The following WDR41 variants were observed in gnomAD, a reference collection of about 807,000 sequenced individuals.
WDR41 encodes the protein WD repeat domain 41, also known as WD repeat-containing protein 41.
Under a neutral mutation model 69.3 loss-of-function variants are expected in WDR41, and 63 were observed. That is an observed-to-expected ratio of 0.91 (90% CI 0.74 to 1.12). WDR41 has a LOEUF of 1.12. Among genes scored for constraint, WDR41 ranks in the 50% most tolerant of loss-of-function variants. The pLI is 0.00. For missense variants in WDR41, 543 were observed against 534.5 expected (o/e 1.02, Z -0.16); for synonymous variants, 185 against 192.1 (o/e 0.96, Z 0.31).
At chr5:77,610,657 A>G (rs1191094998) in intron 1 of WDR41, among the ~76,000 whole-genome samples, 2 of 152,234 alleles carry the variant, frequency 1.3e-5, no homozygotes, top group Non-Finnish European at 2.9e-5. Context: ...TGAAGGAAGC[A>G]CTAAACATGG....
At chr5:77,483,880 T>A (rs1801399016) in intron 2 of WDR41, among the ~76,000 whole-genome samples, 1 of 152,200 alleles carries the variant, frequency 6.6e-6, no homozygotes, top group African/African-American at 2.4e-5. Flanking sequence ...TATGAACACA[T>A]GGATTTAAAC....
At chr5:77,487,172 C>G (rs1801561511) in intron 2 of WDR41, among the ~76,000 whole-genome samples, 1 of 152,286 alleles carries the variant, frequency 6.6e-6, no homozygotes, top group East Asian at 1.9e-4. Context: ...AGTCCACAAC[C>G]TGATCACATA....
intron 1 of WDR41, among the ~76,000 whole-genome samples, chr5:77,538,566 T>G (rs1400191300): frequency 1.3e-5 from 2 of 152,254 alleles, no homozygotes; most frequent in African/African-American, 4.8e-5. Context: ...TTTGGTTTTC[T>G]GTTCCTGCAT....
chr5:77,551,894 G>A (rs367893961), intron 1 of WDR41, among the ~76,000 whole-genome samples: 8 of 151,398 alleles, frequency 5.3e-5, no homozygotes, highest in Admixed American at 4.0e-4. Flanking sequence ...CATGAGAATC[G>A]CTTGAACTAG....
intron 1 of WDR41, among the ~76,000 whole-genome samples, chr5:77,552,038 A>C (rs371401255): frequency 2.7e-4 from 34 of 124,172 alleles, no homozygotes; most frequent in African/African-American, 9.1e-4. Flanking sequence ...AATAAAATAA[A>C]ATAAAATAAA....
At chr5:77,466,395 A>G (rs1800305799) in intron 2 of WDR41, among the ~76,000 whole-genome samples, 1 of 151,788 alleles carries the variant, frequency 6.6e-6, no homozygotes, top group Admixed American at 6.6e-5. Context: ...ATTTCTTTTT[A>G]TTTGTATAGT....
At chr5:77,576,536 A>T (rs980004001) in intron 1 of WDR41, among the ~76,000 whole-genome samples, 1 of 151,902 alleles carries the variant, frequency 6.6e-6, no homozygotes, top group African/African-American at 2.4e-5. Context: ...TCTCTTACTC[A>T]TTTATTCTGT....
At chr5:77,477,268 G>T (rs1275894061) in intron 2 of WDR41, among the ~76,000 whole-genome samples, 1 of 150,978 alleles carries the variant, frequency 6.6e-6, no homozygotes, top group African/African-American at 2.5e-5. Context: ...AGATCAACGA[G>T]ACAGAAAGCC....
Position 77,482,859 on chromosome 5 carries a change from G to GA in WDR41, c.167+6597dup, listed in dbSNP as rs200988288. The stretch of plus-strand genomic sequence containing the variant: ...AGCTCTGTCCTCCCCACATCTACCT[G>GA]AAAAAAAAAAAAAAAAAGCACACAT... On this transcript the variant is annotated intron_variant, in intron 2 of 12. Transcript: ENST00000296679. 5.8e-3 allele frequency among the ~76,000 whole-genome samples: 621 copies of GA among 107,016 alleles called. 2 individuals are homozygous for GA. The highest frequency in any genetic ancestry group is 0.021 in the Admixed American group (211 of 9,956). The allele number at this position is 107,016 out of a possible 152,430, so 70.2% of individuals were successfully genotyped here.
intron 1 of WDR41, among the ~76,000 whole-genome samples, chr5:77,594,408 G>A (rs1246426387): frequency 6.6e-6 from 1 of 150,914 alleles, no homozygotes; most frequent in Non-Finnish European, 1.5e-5. Context: ...AGAACTTAGA[G>A]TATAATAAAA....
At chr5:77,489,345 TCA>T (rs1463132114) in intron 2 of WDR41, 110 bp downstream of exon 2, 4 of 545,742 alleles carry the variant, frequency 7.3e-6, no homozygotes, top group Non-Finnish European at 9.2e-6. Context: ...TTACTAATGA[TCA>T]CAGTTTTTAA....
intron 8 of WDR41, among the ~76,000 whole-genome samples, chr5:77,441,445 A>G (rs1799162526): frequency 6.6e-6 from 1 of 152,144 alleles, no homozygotes; most frequent in South Asian, 2.1e-4. Flanking sequence ...CCTAGTAAGT[A>G]GCTGCTTGGC....
intron 1 of WDR41, among the ~76,000 whole-genome samples, chr5:77,502,465 G>C (rs1421417063): frequency 6.6e-6 from 1 of 152,136 alleles, no homozygotes; most frequent in Non-Finnish European, 1.5e-5. Flanking sequence ...TTATCCAGGA[G>C]AACATCCCCA....
intron 1 of WDR41, among the ~76,000 whole-genome samples, chr5:77,525,704 C>G (rs140718636): frequency 6.6e-6 from 1 of 152,128 alleles, no homozygotes. Context: ...TGTATATGTT[C>G]CCAATTCCAA....
chr5:77,447,339 T>C (rs969743384), intron 8 of WDR41, among the ~76,000 whole-genome samples: 6 of 152,156 alleles, frequency 3.9e-5, no homozygotes, highest in Non-Finnish European at 7.4e-5. Context: ...AGTTCAACCA[T>C]TGTGGAAGAC....
At chr5:77,529,064 T>C (rs1489368239) in intron 1 of WDR41, among the ~76,000 whole-genome samples, 1 of 151,408 alleles carries the variant, frequency 6.6e-6, no homozygotes, top group Non-Finnish European at 1.5e-5. Flanking sequence ...AATTAAAATG[T>C]ATAAGAATTG....
At chr5:77,579,529 G>A (rs1222232818) in intron 1 of WDR41, among the ~76,000 whole-genome samples, 1 of 151,352 alleles carries the variant, frequency 6.6e-6, no homozygotes, top group Admixed American at 6.6e-5. Context: ...CATGTTCAAA[G>A]TGCTAAAAAA....
upstream of WDR41, among the ~76,000 whole-genome samples, chr5:77,492,956 T>C (rs939289981): frequency 3.9e-5 from 6 of 152,252 alleles, no homozygotes; most frequent in Admixed American, 1.3e-4. Context: ...TTCTTGACCG[T>C]ATGCTATATT....
intron 1 of WDR41, among the ~76,000 whole-genome samples, chr5:77,573,625 C>T (rs991880524): frequency 6.6e-5 from 10 of 152,250 alleles, no homozygotes; most frequent in African/African-American, 2.4e-4. Context: ...CCAACTATAG[C>T]CACTAAAGTA....
Sources: gnomAD v4.1 joint callset for allele counts (sites outside exome capture counted in the v4.1 genomes callset) on GRCh38, gnomAD v4.1.1 for gene constraint, MANE v1.5 for transcripts, NCBI Gene and HGNC (gene_info 2026-07-23, HGNC 2026-07-21) for gene names.